DLC1: variants seen among roughly 807,000 people sequenced by gnomAD.
DLC1 encodes the protein rho GTPase-activating protein 7.
A neutral mutation model predicts 140.3 loss-of-function variants in DLC1; 54 were observed. The observed-to-expected ratio is 0.38, with a 90% CI of 0.31 to 0.48. The LOEUF (loss-of-function observed/expected upper bound fraction) is 0.48. Among genes scored for constraint, DLC1 ranks in the 20% least tolerant of loss-of-function variants. The pLI is 0.96. For synonymous variants in DLC1, 986 were observed against 728.1 expected (o/e 1.35, Z -5.70); for missense variants, 2,536 against 1,907.0 (o/e 1.33, Z -6.14).
chr8:13,289,163 C>T (rs1831657300), intron 5 of DLC1, among the ~76,000 whole-genome samples: 1 of 152,070 alleles, frequency 6.6e-6, no homozygotes, highest in African/African-American at 2.4e-5. Context: ...CCTTCACCCC[C>T]AAATACCCTC....
chr8:13,299,785 T>C (rs1832111881), intron 5 of DLC1, among the ~76,000 whole-genome samples: 1 of 152,174 alleles, frequency 6.6e-6, no homozygotes, highest in South Asian at 2.1e-4. Flanking sequence ...GAGGAGAGAA[T>C]TGCTGTCACA....
intron 3 of DLC1, among the ~76,000 whole-genome samples, chr8:13,395,454 A>G (rs2117224863): frequency 1.3e-5 from 2 of 152,228 alleles, no homozygotes; most frequent in Middle Eastern, 6.8e-3. Context: ...CTCTATTAGA[A>G]TCTATGCATC....
chr8:13,597,393 T>A (rs1176116194), intron 1 of DLC1, among the ~76,000 whole-genome samples: 2 of 152,116 alleles, frequency 1.3e-5, no homozygotes, highest in Non-Finnish European at 2.9e-5. Flanking sequence ...TTGTTCAGAC[T>A]GCTACTTTGG....
Position 13,240,076 on chromosome 8 carries a change from CT to C in DLC1, c.1348+65192del, listed in dbSNP as rs201044357. Among the ~76,000 whole-genome samples, 447 of 151,236 alleles carry C rather than the reference CT, an allele frequency of 3.0e-3. 1 individual carries two copies. The highest frequency in any genetic ancestry group is 0.01 in the African/African-American group (425 of 41,232). On this transcript the variant is annotated intron_variant, in intron 5 of 17. Coordinates refer to ENST00000276297, the MANE Select transcript of DLC1 (RefSeq NM_182643.3). ...ACACGTGGGAACAAGATTAGGGGGA[CT>C]TTTTTTTTAAGCCCCTCATGGAAAC...
chr8:13,380,599 C>T (rs1019045294), intron 4 of DLC1, among the ~76,000 whole-genome samples: 2 of 152,158 alleles, frequency 1.3e-5, no homozygotes, highest in South Asian at 2.1e-4. Context: ...ACCACTATAA[C>T]CTTGACTCTG....
rs181691608 is a variant in DLC1, at chr8:13,147,581, T to A, written c.1349-31924A>T. On this transcript the variant is annotated intron_variant, in intron 5 of 17. Coordinates refer to ENST00000276297, the MANE Select transcript of DLC1 (RefSeq NM_182643.3). ...TAAGTGTATAATGAAGCAGTTCTACTCCAACCAGGACCAAGGTTCGAACAG... is the reference window on the plus strand; with the variant it reads ...TAAGTGTATAATGAAGCAGTTCTACACCAACCAGGACCAAGGTTCGAACAG... Among the ~76,000 whole-genome samples, 536 of 152,320 alleles carry A rather than the reference T, an allele frequency of 3.5e-3. 4 individuals carry two copies. Among genetic ancestry groups the A allele is most frequent in the Non-Finnish European group, 6.2e-3 (423 of 68,024 alleles).
chr8:13,405,917 T>TTTCTTTCTTTCTTTCTTTCTTTCTTTC (rs1554514390), intron 2 of DLC1, among the ~76,000 whole-genome samples: 1 of 84,904 alleles, frequency 1.2e-5, no homozygotes, highest in Non-Finnish European at 2.3e-5. Flanking sequence ...CTTTCTTTTC[T>TTTCTTTCTTTCTTTCTTTCTTTCTTTC]TTTCTTTCTT....
At chr8:13,157,392 A>G (rs982636610) in intron 5 of DLC1, among the ~76,000 whole-genome samples, 1 of 152,212 alleles carries the variant, frequency 6.6e-6, no homozygotes, top group African/African-American at 2.4e-5. Flanking sequence ...AGGGAAGAAC[A>G]TGTGTTTTTG....
chr8:13,282,225 G>C (rs1185995651), intron 5 of DLC1, among the ~76,000 whole-genome samples: 1 of 152,130 alleles, frequency 6.6e-6, no homozygotes, highest in Non-Finnish European at 1.5e-5. Context: ...AAGTTGCTTT[G>C]AACATCTCTC....
chr8:13,420,755 A>G (rs564689527), intron 2 of DLC1, among the ~76,000 whole-genome samples: 4 of 152,120 alleles, frequency 2.6e-5, no homozygotes, highest in African/African-American at 7.2e-5. Flanking sequence ...TTATGACTGC[A>G]TAGTATTCTG....
At chr8:13,157,435 G>A (rs915764673) in intron 5 of DLC1, among the ~76,000 whole-genome samples, 2 of 151,950 alleles carry the variant, frequency 1.3e-5, no homozygotes, top group African/African-American at 4.8e-5. Flanking sequence ...TAGCTTCAGA[G>A]GGGACAATTG....
At chr8:13,414,917 A>T (rs1408146332) in intron 2 of DLC1, among the ~76,000 whole-genome samples, 1 of 151,828 alleles carries the variant, frequency 6.6e-6, no homozygotes, top group East Asian at 1.9e-4. Flanking sequence ...TTCAAGCGAT[A>T]TTCCTGCCTC....
chr8:13,410,652 T>TAA (rs71207151), intron 2 of DLC1, among the ~76,000 whole-genome samples: 54 of 147,734 alleles, frequency 3.7e-4, no homozygotes, highest in Middle Eastern at 3.6e-3. Context: ...AAGACCATTA[T>TAA]AAAAAAAAAA....
At chr8:13,409,005 G>C (rs1008383861) in intron 2 of DLC1, among the ~76,000 whole-genome samples, 1 of 151,734 alleles carries the variant, frequency 6.6e-6, no homozygotes, top group Non-Finnish European at 1.5e-5. Context: ...TCATAAAAAT[G>C]TACCCCTTAT....
chr8:13,334,378 C>A (rs568511077), intron 4 of DLC1, among the ~76,000 whole-genome samples: 3 of 152,002 alleles, frequency 2.0e-5, no homozygotes, highest in Non-Finnish European at 4.4e-5. Flanking sequence ...ATCTGTGAGC[C>A]CCCCTGGAGG....
chr8:13,362,762 G>A lies in DLC1; in HGVS notation c.1314+30791C>T, dbSNP rs982707843. 5.3e-5 allele frequency among the ~76,000 whole-genome samples: 8 copies of A among 152,098 alleles called. No homozygotes were observed. In the South Asian group the frequency reaches 8.3e-4, roughly 16 times the overall value. On this transcript the variant is annotated intron_variant, in intron 4 of 17. Coordinates refer to ENST00000276297, the MANE Select transcript of DLC1 (RefSeq NM_182643.3). The stretch of plus-strand genomic sequence containing the variant: ...GCATCAGCCACACTGGCCCCTTCCC[G>A]TTCTCTAAGCATTCTACTGTCTTTC...
chr8:13,595,508 C>T (rs1585315028), intron 1 of DLC1, among the ~76,000 whole-genome samples: 1 of 151,846 alleles, frequency 6.6e-6, no homozygotes, highest in African/African-American at 2.4e-5. Context: ...AATATTCTAG[C>T]CATTAATGAG....
chr8:13,565,296 C>A (rs533272772), intron 1 of DLC1, among the ~76,000 whole-genome samples: 2 of 152,188 alleles, frequency 1.3e-5, no homozygotes, highest in South Asian at 2.1e-4. Flanking sequence ...TTAGAAGACA[C>A]AGATAGATTT....
chr8:13,482,539 A>G lies in DLC1; in HGVS notation c.1023+16510T>C, dbSNP rs190399103. 4.7e-4 allele frequency among the ~76,000 whole-genome samples: 71 copies of G among 152,344 alleles called. 1 individual carries two copies. The highest frequency in any genetic ancestry group is 3.9e-3 in the East Asian group (20 of 5,184). On this transcript the variant is annotated intron_variant, in intron 2 of 17. Coordinates refer to ENST00000276297, the MANE Select transcript of DLC1 (RefSeq NM_182643.3). ...ATCTTGACTTCTTAAAACTATAGCT[A>G]TAGAAATCATGTTTTCTATCAAGCA...
Sources: allele counts gnomAD v4.1 joint callset (sites outside exome capture counted in the v4.1 genomes callset), GRCh38; gene constraint gnomAD v4.1.1; transcripts MANE v1.5; gene names NCBI Gene and HGNC (gene_info 2026-07-23, HGNC 2026-07-21).